KIAA0825: variants seen among roughly 807,000 people sequenced by gnomAD.
KIAA0825 encodes the protein KIAA0825.
A neutral mutation model predicts 147.6 loss-of-function variants in KIAA0825; 119 were observed. That is an observed-to-expected ratio of 0.81 (90% CI 0.69 to 0.94). KIAA0825 has a LOEUF of 0.94. KIAA0825 is among the 40% of genes least tolerant of loss of function. The probability of loss-of-function intolerance (pLI) is 0.00; values close to 1 mark genes in which losing one functional copy is unlikely to be tolerated. For missense variants in KIAA0825, 1,381 were observed against 1,472.7 expected (o/e 0.94, Z 1.02); for synonymous variants, 470 against 518.1 (o/e 0.91, Z 1.26).
intron 20 of KIAA0825, among the ~76,000 whole-genome samples, chr5:94,317,984 A>T (rs1216872183): frequency 6.6e-6 from 1 of 151,824 alleles, no homozygotes; most frequent in Non-Finnish European, 1.5e-5. Flanking sequence ...TTTTTATAAA[A>T]TATTTAACTT....
At chr5:94,574,562 A>AG (rs896195330) in intron 2 of KIAA0825, among the ~76,000 whole-genome samples, 10 of 149,774 alleles carry the variant, frequency 6.7e-5, no homozygotes, top group African/African-American at 2.5e-4. Flanking sequence ...AAAAAAAAAA[A>AG]AAAGAAAAAA....
intron 2 of KIAA0825, chr5:94,567,855 C>T (rs115292608): frequency 0.013 from 1,997 of 155,520 alleles, 44 homozygotes; most frequent in African/African-American, 0.045. Context: ...GGCCCTACCC[C>T]CATCTCAGCC....
chr5:94,497,415 A>C (rs1439439169), intron 5 of KIAA0825, among the ~76,000 whole-genome samples: 2 of 152,174 alleles, frequency 1.3e-5, no homozygotes, highest in Non-Finnish European at 2.9e-5. Context: ...AATGCTTACT[A>C]TAGCATTATG....
chr5:94,516,789 C>CA (rs1163048649), intron 5 of KIAA0825, among the ~76,000 whole-genome samples: 2,101 of 53,242 alleles, frequency 0.039, 27 homozygotes, highest in East Asian at 0.099. Flanking sequence ...GACTCCGTCT[C>CA]AAAAAAAAAA....
chr5:94,252,644 C>T (rs1776023502), intron 20 of KIAA0825, among the ~76,000 whole-genome samples: 3 of 151,838 alleles, frequency 2.0e-5, no homozygotes, highest in African/African-American at 4.8e-5. Context: ...TACAGATATG[C>T]CTAGGACAAA....
chr5:94,608,466 A>T (rs28797279), intron 1 of KIAA0825, among the ~76,000 whole-genome samples: 1 of 16,342 alleles, frequency 6.1e-5, no homozygotes, highest in African/African-American at 3.3e-4. Context: ...TATATATATT[A>T]TATATATAAT....
At chr5:94,510,199 A>G (rs1766290463) in intron 5 of KIAA0825, among the ~76,000 whole-genome samples, 1 of 152,238 alleles carries the variant, frequency 6.6e-6, no homozygotes, top group African/African-American at 2.4e-5. Flanking sequence ...AAGGACAAAC[A>G]GTATAAAGCC....
rs530922040 is a variant in KIAA0825 at position 94,396,066 on chromosome 5, T to C, written c.3296+35A>G. The C allele has an allele frequency of 2.1e-5, 30 of 1,399,740 alleles. No homozygotes were observed. The African/African-American group carries it at 3.9e-4, about 18-fold the overall frequency. 86.7% of individuals were successfully genotyped at this position (1,399,740 alleles called of 1,614,324 possible). A position where few individuals can be genotyped will look rare whatever the true frequency, so the allele number is the denominator to read the frequency against. On this transcript the variant is annotated intron_variant, in intron 17 of 20. Coordinates refer to ENST00000682413, the MANE Select transcript of KIAA0825 (RefSeq NM_001145678.3). ...GTGATTTTGTTATTGTGAAAGCATT[T>C]GATGAAATCCAATAAGAGAAAAACA... is the stretch of plus-strand genomic sequence containing the variant.
chr5:94,387,426 G>A (rs1346386000), intron 18 of KIAA0825, among the ~76,000 whole-genome samples: 1 of 152,174 alleles, frequency 6.6e-6, no homozygotes, highest in African/African-American at 2.4e-5. Flanking sequence ...GGGTGCAGTG[G>A]TTCACACCTG....
intron 5 of KIAA0825, among the ~76,000 whole-genome samples, chr5:94,490,559 G>A (rs1471572659): frequency 1.3e-5 from 2 of 151,894 alleles, no homozygotes; most frequent in Non-Finnish European, 2.9e-5. Flanking sequence ...TGACTTTTGT[G>A]TGTTAAAAAA....
rs199710714 is a variant in KIAA0825, at chr5:94,248,259, A to AT, written c.3711-94136dup. The stretch of plus-strand genomic sequence containing the variant: ...CAACAAAAGCCTCTCATTCAGAAGA[A>AT]TTTTTTTGAGAATTTGCCAGCTCAT... On this transcript the variant is annotated intron_variant, in intron 20 of 20. Coordinates refer to ENST00000682413, the MANE Select transcript of KIAA0825 (RefSeq NM_001145678.3). 2.5e-4 allele frequency among the ~76,000 whole-genome samples: 38 copies of AT among 152,178 alleles called. No homozygotes were observed. In the East Asian group the frequency reaches 7.4e-3, roughly 29 times the overall value.
chr5:94,205,472 T>C (rs1421639367), intron 20 of KIAA0825, among the ~76,000 whole-genome samples: 3 of 151,482 alleles, frequency 2.0e-5, no homozygotes, highest in Non-Finnish European at 4.4e-5. Flanking sequence ...TTTATATTTT[T>C]AGTAGAGATG....
chr5:94,164,255 C>G (rs1767829152), intron 20 of KIAA0825, among the ~76,000 whole-genome samples: 1 of 151,982 alleles, frequency 6.6e-6, no homozygotes, highest in Non-Finnish European at 1.5e-5. Context: ...AACAATCCTA[C>G]ACAAAAAGAA....
chr5:94,601,254 T>C (rs1742339030), intron 1 of KIAA0825, among the ~76,000 whole-genome samples: 1 of 152,160 alleles, frequency 6.6e-6, no homozygotes, highest in Admixed American at 6.5e-5. Context: ...CAGCCTTCAC[T>C]GGTGATACCT....
chr5:94,597,080 G>A (rs1785445578), intron 1 of KIAA0825, among the ~76,000 whole-genome samples: 1 of 151,948 alleles, frequency 6.6e-6, no homozygotes, highest in South Asian at 2.1e-4. Flanking sequence ...TCTTTCTCTT[G>A]CCTTATTGCT....
chr5:94,243,464 G>C (rs1482823384), intron 20 of KIAA0825, among the ~76,000 whole-genome samples: 1 of 152,158 alleles, frequency 6.6e-6, no homozygotes, highest in East Asian at 1.9e-4. Context: ...ATACCTTATA[G>C]GTAGTTGTTA....
intron 20 of KIAA0825, among the ~76,000 whole-genome samples, chr5:94,196,332 C>A (rs1336268182): frequency 6.6e-6 from 1 of 152,130 alleles, no homozygotes; most frequent in Non-Finnish European, 1.5e-5. Flanking sequence ...TTGGAGGAAT[C>A]CAACTAAGTC....
intron 2 of KIAA0825, among the ~76,000 whole-genome samples, chr5:94,540,939 G>GT (rs1182988790): frequency 6.6e-6 from 1 of 152,174 alleles, no homozygotes; most frequent in African/African-American, 2.4e-5. Flanking sequence ...GAAATTTTAT[G>GT]TAAGAAATGC....
At chr5:94,480,807 T>C (rs1048163298) in intron 6 of KIAA0825, among the ~76,000 whole-genome samples, 1 of 152,068 alleles carries the variant, frequency 6.6e-6, no homozygotes, top group African/African-American at 2.4e-5. Context: ...GCAATTATGA[T>C]AGCCTTTAAA....
Sources: gnomAD v4.1 joint callset for allele counts (sites outside exome capture counted in the v4.1 genomes callset) on GRCh38, gnomAD v4.1.1 for gene constraint, MANE v1.5 for transcripts, NCBI Gene and HGNC (gene_info 2026-07-23, HGNC 2026-07-21) for gene names.